The following RANBP2 variants were observed in gnomAD, a reference collection of about 807,000 sequenced individuals.
The protein encoded by RANBP2 is E3 SUMO-protein ligase RanBP2.
RANBP2 carries 57 observed loss-of-function variants against 303.6 expected under a neutral mutation model. That is an observed-to-expected ratio of 0.19 (90% CI 0.15 to 0.23). The LOEUF is 0.23. Among genes scored for constraint, RANBP2 ranks in the 10% least tolerant of loss-of-function variants. The pLI is 1.00. For synonymous variants in RANBP2, 1,167 were observed against 1,301.5 expected (o/e 0.90, Z 2.23); for missense variants, 3,138 against 3,780.8 (o/e 0.83, Z 4.46).
the RANBP2 span, among the ~76,000 whole-genome samples, chr2:109,557,762 TATC>T: frequency 2.0e-5 from 3 of 152,222 alleles, no homozygotes; most frequent in African/African-American, 7.2e-5. Flanking sequence ...CATTGTTTCT[TATC>T]ATAGATTTAT....
the RANBP2 span, among the ~76,000 whole-genome samples, chr2:108,971,161 T>C: frequency 2.0e-5 from 3 of 152,160 alleles, no homozygotes; most frequent in Admixed American, 6.5e-5. Context: ...CTGATGGTGC[T>C]GGCTACATGT....
the RANBP2 span, among the ~76,000 whole-genome samples, chr2:108,974,329 C>CAA: frequency 1.5e-3 from 94 of 61,480 alleles, no homozygotes; most frequent in East Asian, 8.0e-3. Context: ...GGATCCGTCT[C>CAA]AAAAAAAAAA....
chr2:109,372,449 G>A, the RANBP2 span, among the ~76,000 whole-genome samples: 2 of 152,184 alleles, frequency 1.3e-5, no homozygotes, highest in Admixed American at 6.5e-5. Context: ...AACCACCAGC[G>A]TCATCCCATA....
the RANBP2 span, among the ~76,000 whole-genome samples, chr2:108,831,700 T>TCTTCCTTC: frequency 0.37 from 53,313 of 145,056 alleles, 11,582 homozygotes; most frequent in Non-Finnish European, 0.49. Context: ...TGGCACAGAA[T>TCTTCCTTC]CTTCCTTCCT....
the RANBP2 span, among the ~76,000 whole-genome samples, chr2:108,970,077 C>T: frequency 6.6e-6 from 1 of 152,126 alleles, no homozygotes; most frequent in African/African-American, 2.4e-5. Flanking sequence ...AGACACTTTC[C>T]CCTGTGGAAA....
chr2:109,403,991 A>G, the RANBP2 span, among the ~76,000 whole-genome samples: 9 of 152,194 alleles, frequency 5.9e-5, no homozygotes, highest in South Asian at 1.7e-3. Flanking sequence ...CTGCTCAGGG[A>G]ATCAGGGAAT....
At chr2:109,197,432 T>C in the RANBP2 span, among the ~76,000 whole-genome samples, 11 of 152,178 alleles carry the variant, frequency 7.2e-5, no homozygotes, top group Non-Finnish European at 1.6e-4. Flanking sequence ...ATTTCTCTTA[T>C]CTTGTTTCTT....
the RANBP2 span, among the ~76,000 whole-genome samples, chr2:109,137,400 A>G: frequency 2.6e-5 from 4 of 152,232 alleles, no homozygotes; most frequent in Non-Finnish European, 4.4e-5. Context: ...AGCACCTTTC[A>G]GAGAAGCTGT....
the RANBP2 span, among the ~76,000 whole-genome samples, chr2:109,119,636 T>C: frequency 6.6e-6 from 1 of 152,200 alleles, no homozygotes; most frequent in East Asian, 1.9e-4. Flanking sequence ...AACTGTACCA[T>C]GCATACAAGT....
At chr2:109,319,398 G>T in the RANBP2 span, among the ~76,000 whole-genome samples, 1 of 152,298 alleles carries the variant, frequency 6.6e-6, no homozygotes. Context: ...TGGGGTCCCG[G>T]GGATCACCCA....
the RANBP2 span, among the ~76,000 whole-genome samples, chr2:109,355,974 T>TG: frequency 1.3e-5 from 2 of 152,168 alleles, no homozygotes; most frequent in African/African-American, 4.8e-5. Context: ...GGTCCTGCAT[T>TG]GGGGGTGGAG....
the RANBP2 span, among the ~76,000 whole-genome samples, chr2:109,050,161 A>G: frequency 4.6e-5 from 7 of 152,222 alleles, no homozygotes; most frequent in African/African-American, 1.2e-4. Flanking sequence ...TAATATCTCA[A>G]TTGTTTGTAT....
the RANBP2 span, among the ~76,000 whole-genome samples, chr2:109,016,353 C>T: frequency 2.0e-5 from 3 of 152,096 alleles, no homozygotes; most frequent in Admixed American, 1.3e-4. Context: ...TCCCAAAGTG[C>T]TGGGATTACA....
chr2:108,929,440 G>A, the RANBP2 span: 14 of 1,553,850 alleles, frequency 9.0e-6, no homozygotes, highest in Admixed American at 8.4e-5. Flanking sequence ...ATACGGACTC[G>A]GCCCACAGTC....
At chr2:109,467,545 C>G in the RANBP2 span, among the ~76,000 whole-genome samples, 14 of 152,320 alleles carry the variant, frequency 9.2e-5, no homozygotes, top group Middle Eastern at 6.8e-3. Flanking sequence ...CAATGCACAT[C>G]GCCCAGATGG....
At chr2:109,191,292 A>C in the RANBP2 span, among the ~76,000 whole-genome samples, 1 of 152,288 alleles carries the variant, frequency 6.6e-6, no homozygotes, top group East Asian at 1.9e-4. Flanking sequence ...TTGCAAATGG[A>C]AAGTAAGTGT....
chr2:108,861,127 C>T, the RANBP2 span, among the ~76,000 whole-genome samples: 37 of 151,088 alleles, frequency 2.4e-4, no homozygotes, highest in Non-Finnish European at 5.2e-4. Flanking sequence ...TCATAGTAGT[C>T]TCTGAGGATT....
At chr2:109,049,491 C>T in the RANBP2 span, among the ~76,000 whole-genome samples, 6 of 152,280 alleles carry the variant, frequency 3.9e-5, 1 homozygote, top group South Asian at 1.2e-3. Flanking sequence ...AGAGATGACC[C>T]CTCACCCCTC....
chr2:108,871,051 A>G, the RANBP2 span, among the ~76,000 whole-genome samples: 2 of 152,188 alleles, frequency 1.3e-5, no homozygotes, highest in Admixed American at 1.3e-4. Flanking sequence ...ATTTAGAAAT[A>G]GCCGTCATTA....
Sources: gnomAD v4.1 joint callset for allele counts (sites outside exome capture counted in the v4.1 genomes callset) on GRCh38, gnomAD v4.1.1 for gene constraint, MANE v1.5 for transcripts, NCBI Gene and HGNC (gene_info 2026-07-23, HGNC 2026-07-21) for gene names.